EDEM1: variants seen among roughly 807,000 people sequenced by gnomAD.
EDEM1 encodes the protein ER degradation-enhancing alpha-mannosidase-like protein 1.
In EDEM1, 67 loss-of-function variants were observed where a neutral mutation model predicts 74.4. That is an observed-to-expected ratio of 0.90 (90% CI 0.74 to 1.10). EDEM1 has a LOEUF of 1.10. Among genes scored for constraint, EDEM1 ranks in the 50% least tolerant of loss-of-function variants. The pLI is 0.00. For missense variants in EDEM1, 926 were observed against 851.6 expected, an observed-to-expected ratio of 1.09 and a Z score of -1.09; for synonymous variants, 382 against 335.9, an observed-to-expected ratio of 1.14 and a Z score of -1.50.
chr3:5,195,178 C>G, intron 1 of EDEM1, 31 bp from the exon 2 acceptor site: 2 of 1,320,412 alleles, frequency 1.5e-6, no homozygotes, highest in Non-Finnish European at 2.0e-6. Flanking sequence ...GAAATAAAGT[C>G]TTTTTGTTGA....
rs1463653141 is a variant in EDEM1, at chr3:5,201,735, T to C, written c.687-18T>C. On this transcript the variant is annotated intron_variant, in intron 3 of 11. Transcript: ENST00000256497. Reference sequence around the variant, plus strand: ...AAGCAACACGATTGTATTATCTTTTTGTTCTTCCTGTCATTAGGGTCCTGG... The same window carrying C: ...AAGCAACACGATTGTATTATCTTTTCGTTCTTCCTGTCATTAGGGTCCTGG... 1.9e-6 allele frequency: 3 copies of C among 1,613,820 alleles called. No individual in the cohort carries two copies. The highest frequency in any genetic ancestry group is 2.5e-6 in the Non-Finnish European group (3 of 1,179,914).
intron 1 of EDEM1, among the ~76,000 whole-genome samples, chr3:5,193,685 C>T (rs954472715): frequency 6.6e-6 from 1 of 152,142 alleles, no homozygotes; most frequent in Admixed American, 6.5e-5. Flanking sequence ...GCAACCTCCG[C>T]CTCCTGAGTT....
intron 8 of EDEM1, 59 bp from the exon 9 acceptor site, chr3:5,210,116 T>C: frequency 6.7e-7 from 1 of 1,484,442 alleles, no homozygotes; most frequent in Non-Finnish European, 9.4e-7. Context: ...ACCATGATGT[T>C]TGTCGATGGC....
chr3:5,197,087 AT>A (rs2054979281), intron 2 of EDEM1, among the ~76,000 whole-genome samples: 2 of 77,012 alleles, frequency 2.6e-5, no homozygotes, highest in African/African-American at 5.0e-5. Context: ...TTTTTTCCCC[AT>A]TTTGTTTTTT....
chr3:5,187,896 A>T lies in EDEM1; in HGVS notation c.91A>T (p.Met31Leu), dbSNP rs2054844313. ...GCTCGTCTTCGGGCTGGGGCCCAGC[A>T]TGGGCTTCTACCAGCGCTTTCCGCT... Reference protein sequence around the residue: ...LWLVFGLGPSMGFYQRFPLSF... With the variant: ...LWLVFGLGPSLGFYQRFPLSF... The change falls in exon 1 of 12, where the codon ATG becomes TTG. Residue 31 changes from methionine to leucine, a missense_variant. Transcript: ENST00000256497. The T allele has an allele frequency of 6.3e-7, 1 of 1,599,780 alleles. No homozygotes were observed. The highest frequency in any genetic ancestry group is 1.4e-5 in the African/African-American group (1 of 73,824).
At chr3:5,202,489 C>A (rs1005321964) in intron 4 of EDEM1, among the ~76,000 whole-genome samples, 1 of 152,212 alleles carries the variant, frequency 6.6e-6, no homozygotes, top group African/African-American at 2.4e-5. Context: ...AGGTAACTGA[C>A]TGAGAACTGC....
intron 11 of EDEM1, 29 bp from the exon 12 acceptor site, chr3:5,215,800 T>C (rs867518639): frequency 1.0e-5 from 16 of 1,599,022 alleles, no homozygotes; most frequent in Middle Eastern, 1.7e-4. Context: ...ATATGAGTTT[T>C]TAATTTTCCC....
At chr3:5,201,262 T>C (rs2055031346) in intron 3 of EDEM1, among the ~76,000 whole-genome samples, 1 of 152,044 alleles carries the variant, frequency 6.6e-6, no homozygotes, top group Admixed American at 6.5e-5. Context: ...GAGATCGTCC[T>C]GCCTCAGCCT....
intron 8 of EDEM1, among the ~76,000 whole-genome samples, chr3:5,208,766 T>TAC (rs1276659149): frequency 2.0e-5 from 3 of 150,822 alleles, no homozygotes; most frequent in African/African-American, 7.4e-5. Context: ...TGTGTATATA[T>TAC]ATATACACAC....
rs756827122 is a variant in EDEM1 at position 5,199,654 on chromosome 3, T to C, written c.645T>C (p.Phe215=). The part of the protein sequence containing the change: ...AVKLVINTVS[F]DKDSTVQVFE... The stretch of plus-strand genomic sequence containing the variant: ...AGTTAGTGATCAACACAGTTTCATT[T>C]GACAAAGATTCCACCGTCCAAGTCT... Residue 215 remains phenylalanine, a synonymous_variant, in exon 3 of 12, where the codon TTT becomes TTC. Coordinates refer to ENST00000256497, the MANE Select transcript of EDEM1 (RefSeq NM_014674.3). 9 of 1,613,826 alleles carry C rather than the reference T, an allele frequency of 5.6e-6. No homozygotes were observed. The highest frequency in any genetic ancestry group is 5.5e-5 in the South Asian group (5 of 91,042).
intron 5 of EDEM1, 67 bp from the exon 6 acceptor site, chr3:5,205,000 C>T (rs1422469092): frequency 1.9e-6 from 3 of 1,546,848 alleles, no homozygotes; most frequent in African/African-American, 1.4e-5. Flanking sequence ...GAGTAGGAGG[C>T]CTGTCTCCAT....
intron 1 of EDEM1, among the ~76,000 whole-genome samples, chr3:5,189,012 C>A (rs78613621): frequency 4.6e-5 from 7 of 152,150 alleles, no homozygotes; most frequent in African/African-American, 1.7e-4. Context: ...GTCTATAAAT[C>A]CCCCGCCTCT....
chr3:5,201,647 G>C (rs2055036151), intron 3 of EDEM1, 106 bp from the exon 4 acceptor site: 1 of 1,361,978 alleles, frequency 7.3e-7, no homozygotes, highest in Non-Finnish European at 1.0e-6. Flanking sequence ...ACGTCAGGCA[G>C]TTCTGAGTCT....
Position 5,203,065 on chromosome 3 carries a change from C to T in EDEM1, c.958C>T (p.Leu320=), listed in dbSNP as rs1473134882. The change falls in exon 5 of 12, where the codon CTG becomes TTG. Residue 320 remains leucine (L), a synonymous_variant. Transcript: ENST00000256497. ...GGAATTTGGGATTCTGAGTCGACTC[C>T]TGGGGGACTCCACATTTGAGTGGGT... ...LVEFGILSRL[L]GDSTFEWVAR... is the part of the protein sequence containing the mutation. 10 of 1,613,458 alleles carry T rather than the reference C, an allele frequency of 6.2e-6. No homozygotes were observed. Among genetic ancestry groups the T allele is most frequent in the Non-Finnish European group, 8.5e-6 (10 of 1,179,788 alleles).
intron 3 of EDEM1, 130 bp downstream of exon 3, chr3:5,199,825 G>A (rs2106593845): frequency 1.6e-6 from 1 of 606,308 alleles, no homozygotes; most frequent in Non-Finnish European, 2.8e-6. Flanking sequence ...TGGGTGCAGT[G>A]TGCATTTTTC....
chr3:5,205,972 T>C (rs1480630974), intron 6 of EDEM1, among the ~76,000 whole-genome samples: 1 of 152,164 alleles, frequency 6.6e-6, no homozygotes. Context: ...GTGGCTTTAA[T>C]TGCAGATAGA....
In EDEM1 at chr3:5,205,325, A is replaced by G. The variant is rs1575589092; in HGVS notation, c.1217+84A>G. 6.5e-6 allele frequency: 9 copies of G among 1,376,776 alleles called. No homozygotes were observed. In the East Asian group the frequency reaches 7.0e-5, roughly 11 times the overall value. The allele number at this position is 1,376,776 out of a possible 1,614,324, so 85.3% of individuals were successfully genotyped here. Reference sequence around the variant, plus strand: ...GCGTTTGTATTTTTTTTAACACACAATCACAGGGTCTGTTTATCTCTGCCC... The same window carrying G: ...GCGTTTGTATTTTTTTTAACACACAGTCACAGGGTCTGTTTATCTCTGCCC... On this transcript the variant is annotated intron_variant, in intron 6 of 11. Transcript: ENST00000256497.
chr3:5,207,689 G>C (rs1004685617), intron 7 of EDEM1, among the ~76,000 whole-genome samples: 1 of 152,082 alleles, frequency 6.6e-6, no homozygotes, highest in African/African-American at 2.4e-5. Context: ...TGTACTTTTA[G>C]TAGAGACGGG....
intron 1 of EDEM1, among the ~76,000 whole-genome samples, chr3:5,194,169 G>A (rs902135694): frequency 6.6e-6 from 1 of 152,248 alleles, no homozygotes; most frequent in African/African-American, 2.4e-5. Context: ...TTTGGGATAT[G>A]ATGGAAGACT....
Sources: allele counts gnomAD v4.1 joint callset (sites outside exome capture counted in the v4.1 genomes callset), GRCh38; gene constraint gnomAD v4.1.1; transcripts MANE v1.5; gene names NCBI Gene and HGNC (gene_info 2026-07-23, HGNC 2026-07-21).